SDK1: variants seen among roughly 807,000 people sequenced by gnomAD.
SDK1 encodes the protein sidekick cell adhesion molecule 1.
SDK1 carries 157 observed loss-of-function variants against 245.5 expected under a neutral mutation model. The ratio of observed to expected loss-of-function variants is 0.64; its 90% CI spans 0.56 to 0.73. The LOEUF is 0.73. Among genes scored for constraint, SDK1 ranks in the 30% least tolerant of loss-of-function variants. The probability of loss-of-function intolerance (pLI) is 0.00; values close to 1 mark genes in which losing one functional copy is unlikely to be tolerated. For synonymous variants in SDK1, 1,647 were observed against 1,278.5 expected (o/e 1.29, Z -6.15); for missense variants, 3,583 against 3,002.3 (o/e 1.19, Z -4.52).
intron 1 of SDK1, among the ~76,000 whole-genome samples, chr7:3,596,322 G>GT (rs1173361310): frequency 6.6e-6 from 1 of 152,196 alleles, no homozygotes; most frequent in Non-Finnish European, 1.5e-5. Context: ...GTACAAGAGA[G>GT]TAAGTCTGAC....
At chr7:4,219,086 T>C (rs1411205585) in intron 38 of SDK1, among the ~76,000 whole-genome samples, 2 of 152,244 alleles carry the variant, frequency 1.3e-5, no homozygotes, top group African/African-American at 4.8e-5. Context: ...CCCATAGGTT[T>C]GAGGACGTTT....
At chr7:3,654,389 C>T (rs1156903783) in intron 4 of SDK1, among the ~76,000 whole-genome samples, 7 of 152,156 alleles carry the variant, frequency 4.6e-5, no homozygotes, top group African/African-American at 2.4e-5. Flanking sequence ...CCTGTCACCG[C>T]GCTTTATTCC....
chr7:3,438,037 T>C (rs1395903540), intron 1 of SDK1, among the ~76,000 whole-genome samples: 1 of 152,196 alleles, frequency 6.6e-6, no homozygotes. Context: ...CTGCATTTTA[T>C]AGATGAAGAA....
chr7:3,353,952 TG>T (rs1780727019), intron 1 of SDK1, among the ~76,000 whole-genome samples: 1 of 152,066 alleles, frequency 6.6e-6, no homozygotes, highest in Non-Finnish European at 1.5e-5. Context: ...CATTTCATGT[TG>T]CAACCGGGCT....
intron 5 of SDK1, among the ~76,000 whole-genome samples, chr7:3,821,878 A>G (rs1473560876): frequency 6.6e-6 from 1 of 152,246 alleles, no homozygotes; most frequent in Non-Finnish European, 1.5e-5. Flanking sequence ...GTTCCTAACA[A>G]CAAAGAACTT....
chr7:3,557,951 T>C (rs946418384), intron 1 of SDK1, among the ~76,000 whole-genome samples: 15 of 152,184 alleles, frequency 9.9e-5, no homozygotes, highest in African/African-American at 3.4e-4. Context: ...GTACATTGTC[T>C]TTAACAGCAA....
At chr7:4,072,881 C>G (rs1364117126) in intron 20 of SDK1, among the ~76,000 whole-genome samples, 1 of 152,222 alleles carries the variant, frequency 6.6e-6, no homozygotes, top group South Asian at 2.1e-4. Context: ...GAGAGGGAAG[C>G]ACGGAGTAGG....
chr7:4,012,931 C>T (rs904720421), intron 16 of SDK1, among the ~76,000 whole-genome samples: 2 of 152,026 alleles, frequency 1.3e-5, no homozygotes, highest in African/African-American at 4.8e-5. Context: ...ATGTGTTGTT[C>T]AATACAGTAA....
In SDK1 at chr7:3,971,190, G is replaced by A. The variant is rs1782461627; in HGVS notation, c.1715-276G>A. The stretch of plus-strand genomic sequence containing the variant: ...AGAGCCTAGAACCTCATCCACACCT[G>A]CATGGGGTGGTCGGCATTCAGTTAC... On this transcript the variant is annotated intron_variant, in intron 11 of 44. Coordinates refer to ENST00000404826, the MANE Select transcript of SDK1 (RefSeq NM_152744.4). Among the ~76,000 whole-genome samples, 3 of 152,166 alleles carry A rather than the reference G, an allele frequency of 2.0e-5. No homozygotes were observed. The East Asian group carries it at 5.8e-4, about 29-fold the overall frequency.
At chr7:3,371,891 G>T (rs1207560750) in intron 1 of SDK1, among the ~76,000 whole-genome samples, 2 of 152,186 alleles carry the variant, frequency 1.3e-5, no homozygotes, top group South Asian at 2.1e-4. Flanking sequence ...TTTCTACTTA[G>T]ATCTATCCTC....
At chr7:4,079,657 CT>C in intron 22 of SDK1, 73 bp downstream of exon 22, 1 of 1,583,060 alleles carries the variant, frequency 6.3e-7, no homozygotes, top group Non-Finnish European at 8.6e-7. Flanking sequence ...AGTGGTACCC[CT>C]GCAGATGATG....
rs551324676 is a variant in SDK1, at chr7:3,629,301, A to C, written c.459-9703A>C. ...GGGAGACAGTACAATTCTCAGTCTC[A>C]AAAAAAAAAAGAAAAAAAAGAAAAA... On this transcript the variant is annotated intron_variant, in intron 2 of 44. Transcript: ENST00000404826. Among the ~76,000 whole-genome samples, 7 of 132,810 alleles carry C rather than the reference A, an allele frequency of 5.3e-5. No homozygotes were observed. In the East Asian group the frequency reaches 6.0e-4, roughly 11 times the overall value. 87.1% of individuals were successfully genotyped at this position (132,810 alleles called of 152,430 possible). A position where few individuals can be genotyped will look rare whatever the true frequency, so the allele number is the denominator to read the frequency against.
intron 5 of SDK1, among the ~76,000 whole-genome samples, chr7:3,944,385 C>T (rs1002326040): frequency 6.6e-6 from 1 of 152,178 alleles, no homozygotes; most frequent in African/African-American, 2.4e-5. Context: ...CTTTTGTTTT[C>T]GTTCTTGGAA....
At chr7:4,115,415 C>G (rs1206128069) in intron 25 of SDK1, among the ~76,000 whole-genome samples, 1 of 152,194 alleles carries the variant, frequency 6.6e-6, no homozygotes, top group Admixed American at 6.5e-5. Context: ...AGGAAAAGAA[C>G]AAGACTCCCC....
intron 42 of SDK1, among the ~76,000 whole-genome samples, chr7:4,241,266 C>G (rs1162571563): frequency 2.0e-5 from 3 of 152,106 alleles, no homozygotes. Context: ...ATCTTTACTT[C>G]CTGTTTTGTT....
In SDK1 at chr7:3,779,925, G is replaced by C. The variant is rs370649684; in HGVS notation, c.714-41525G>C. On this transcript the variant is annotated intron_variant, in intron 4 of 44. Coordinates refer to ENST00000404826, the MANE Select transcript of SDK1 (RefSeq NM_152744.4). ...CCGCAGTCCGGCCTGGGCGACAGAGGGAGACTCCGTCTCAAAAAAAAAAAA... is the reference window on the plus strand; with the variant it reads ...CCGCAGTCCGGCCTGGGCGACAGAGCGAGACTCCGTCTCAAAAAAAAAAAA... 3.0e-3 allele frequency among the ~76,000 whole-genome samples: 432 copies of C among 146,004 alleles called. 2 individuals are homozygous for C. The highest frequency in any genetic ancestry group is 0.011 in the African/African-American group (413 of 38,632).
In SDK1 at chr7:3,902,903, A is replaced by G. The variant is rs941953863; in HGVS notation, c.848-48020A>G. ...TATCTGGTAAAGGTCATTGTCCATA[A>G]CACATAAAGAATTTTTACCACTCAA... On this transcript the variant is annotated intron_variant, in intron 5 of 44. Coordinates refer to ENST00000404826, the MANE Select transcript of SDK1 (RefSeq NM_152744.4). Among the ~76,000 whole-genome samples the G allele has an allele frequency of 1.7e-4, 26 of 152,344 alleles. 1 individual carries two copies. Among genetic ancestry groups the G allele is most frequent in the Admixed American group, 1.5e-3 (23 of 15,308 alleles).
At chr7:4,179,616 G>A (rs1041386083) in intron 35 of SDK1, among the ~76,000 whole-genome samples, 1 of 152,046 alleles carries the variant, frequency 6.6e-6, no homozygotes, top group Non-Finnish European at 1.5e-5. Context: ...CTCTTTGCAC[G>A]AAAATATGTT....
chr7:3,361,094 C>T (rs1444193971), intron 1 of SDK1, among the ~76,000 whole-genome samples: 2 of 152,126 alleles, frequency 1.3e-5, no homozygotes, highest in East Asian at 1.9e-4. Flanking sequence ...ATCAAATCAT[C>T]TTAAACACAT....
Sources: gnomAD v4.1 joint callset for allele counts (sites outside exome capture counted in the v4.1 genomes callset) on GRCh38, gnomAD v4.1.1 for gene constraint, MANE v1.5 for transcripts, NCBI Gene and HGNC (gene_info 2026-07-23, HGNC 2026-07-21) for gene names.